Variants in ABLIM2 observed in about 807,000 individuals in gnomAD.
The protein encoded by ABLIM2 is actin-binding LIM protein 2.
Under a neutral mutation model 97.7 loss-of-function variants are expected in ABLIM2, and 53 were observed. The ratio of observed to expected loss-of-function variants is 0.54; its 90% confidence interval spans 0.44 to 0.68. The LOEUF (loss-of-function observed/expected upper bound fraction) is 0.68, where lower values mean the gene tolerates loss of function less well. Among genes scored for constraint, ABLIM2 ranks in the 30% least tolerant of loss-of-function variants. The pLI, the probability that ABLIM2 is intolerant of heterozygous loss-of-function variation, is 0.00. For missense variants in ABLIM2, 835 were observed against 867.2 expected, an observed-to-expected ratio of 0.96 and a Z score of 0.47; for synonymous variants, 361 against 345.8, an observed-to-expected ratio of 1.04 and a Z score of -0.49.
At chr4:8,145,745 TACACACACACACACAC>T (rs34195989) in intron 1 of ABLIM2, among the ~76,000 whole-genome samples, 27 of 138,678 alleles carry the variant, frequency 1.9e-4, no homozygotes, top group Non-Finnish European at 2.7e-4. Flanking sequence ...TACACACTCA[TACACACACACACACAC>T]ACACACACAC....
chr4:8,144,998 A>C (rs974014257), intron 1 of ABLIM2, among the ~76,000 whole-genome samples: 3 of 152,110 alleles, frequency 2.0e-5, no homozygotes, highest in Admixed American at 6.5e-5. Flanking sequence ...GCCAGTGGGA[A>C]GCCCACCTCC....
chr4:8,154,681 A>G (rs1218933182), intron 1 of ABLIM2, among the ~76,000 whole-genome samples: 1 of 152,092 alleles, frequency 6.6e-6, no homozygotes, highest in Non-Finnish European at 1.5e-5. Flanking sequence ...CATCTTCCCC[A>G]CCGCCCAATT....
In ABLIM2 at chr4:8,033,580, C is replaced by T. The variant is rs1015319385; in HGVS notation, c.1047+2569G>A. 4.6e-5 allele frequency among the ~76,000 whole-genome samples: 7 copies of T among 152,128 alleles called. No individual in the cohort carries two copies. Among genetic ancestry groups the T allele is most frequent in the East Asian group, 3.9e-4 (2 of 5,174 alleles). ...TGGGGTCGCACTTTATGGCTGAGAG[C>T]GGAAGCTCACACACAGGTGCCACTG... is the stretch of plus-strand genomic sequence containing the variant. On this transcript the variant is annotated intron_variant, in intron 10 of 20. Coordinates refer to ENST00000447017, the MANE Select transcript of ABLIM2 (RefSeq NM_001130083.2). This position sits in a 1 kb window ranked among gnomAD's most constrained non-coding sequence, Gnocchi z 4.5.
At chr4:8,045,262 A>G (rs899591521) in intron 8 of ABLIM2, 21 bp from the exon 9 acceptor site, 15 of 1,605,908 alleles carry the variant, frequency 9.3e-6, no homozygotes, top group Non-Finnish European at 1.3e-5. Context: ...AGAGAGGAAG[A>G]GATTGAAGGC....
At chr4:7,972,724 C>A (rs1429048983) in intron 20 of ABLIM2, among the ~76,000 whole-genome samples, 1 of 152,184 alleles carries the variant, frequency 6.6e-6, no homozygotes, top group Non-Finnish European at 1.5e-5. Flanking sequence ...CTGCCACTCT[C>A]CTGACTCCCG....
At chr4:8,047,295 G>A (rs1793129437) in intron 8 of ABLIM2, among the ~76,000 whole-genome samples, 1 of 152,112 alleles carries the variant, frequency 6.6e-6, no homozygotes, top group Non-Finnish European at 1.5e-5. Flanking sequence ...ACCGGCCCAG[G>A]TCCTCTCCAT....
In ABLIM2 at chr4:8,058,894, C is replaced by T. The variant is rs1159775657; in HGVS notation, c.763+2073G>A. Among the ~76,000 whole-genome samples the T allele has an allele frequency of 6.6e-6, 1 of 152,136 alleles. No individual in the cohort carries two copies. The highest frequency in any genetic ancestry group is 1.5e-5 in the Non-Finnish European group (1 of 68,032). ...CATCTTTGACGACTCAGTCCTTAGC[C>T]TGTCTTCGGCAACCATCTTGTGGGG... On this transcript the variant is annotated intron_variant, in intron 7 of 20. Coordinates refer to ENST00000447017, the MANE Select transcript of ABLIM2 (RefSeq NM_001130083.2). The surrounding 1 kb of genome is among the most constrained non-coding windows in gnomAD (Gnocchi z 4.2).
At chr4:8,031,917 GT>G (rs1369066461) in intron 10 of ABLIM2, among the ~76,000 whole-genome samples, 4 of 151,992 alleles carry the variant, frequency 2.6e-5, no homozygotes, top group Non-Finnish European at 5.9e-5. Flanking sequence ...TGGAGACGGG[GT>G]TTCACTATGT....
intron 1 of ABLIM2, among the ~76,000 whole-genome samples, chr4:8,154,179 G>A (rs544822733): frequency 7.3e-5 from 11 of 151,220 alleles, no homozygotes; most frequent in East Asian, 1.9e-4. Flanking sequence ...AGCCAGGATG[G>A]TCTCCATCTC....
In ABLIM2 at chr4:8,008,210, A is replaced by G; in HGVS notation, c.1477-10T>C. ...GCCAGCTGCTCTTCTGCTGAAGGTA[A>G]AAAACAAAGTCATGCAAATGTCAAG... On this transcript the variant is annotated splice_polypyrimidine_tract_variant and intron_variant, in intron 15 of 20. Transcript: ENST00000447017. 6.2e-7 allele frequency: 1 copy of G among 1,611,646 alleles called. No homozygotes were observed. Among genetic ancestry groups the G allele is most frequent in the Non-Finnish European group, 8.5e-7 (1 of 1,178,040 alleles).
In ABLIM2 at chr4:8,155,735, T is replaced by G. The variant is rs1715089306; in HGVS notation, c.10+2945A>C. Among the ~76,000 whole-genome samples the G allele has an allele frequency of 7.0e-6, 1 of 143,532 alleles. No homozygotes were observed. Among genetic ancestry groups the G allele is most frequent in the Non-Finnish European group, 1.5e-5 (1 of 64,820 alleles). The allele number at this position is 143,532 out of a possible 152,430, so 94.2% of individuals were successfully genotyped here. ...GGCTGGGGTTTTCATAAGAACAGAT[T>G]AGGACACAGACACACACAAAGGGAA... On this transcript the variant is annotated intron_variant, in intron 1 of 20. Transcript: ENST00000447017. This position sits in a 1 kb window ranked among gnomAD's most constrained non-coding sequence, Gnocchi z 4.2.
At chr4:8,028,961 T>A (rs1170076321) in intron 11 of ABLIM2, among the ~76,000 whole-genome samples, 1 of 152,210 alleles carries the variant, frequency 6.6e-6, no homozygotes, top group Non-Finnish European at 1.5e-5. Flanking sequence ...AGGAAGCAGC[T>A]TGGAAAAATC....
At chr4:8,049,091 C>T (rs1006683183) in intron 8 of ABLIM2, among the ~76,000 whole-genome samples, 3 of 152,310 alleles carry the variant, frequency 2.0e-5, no homozygotes, top group African/African-American at 4.8e-5. Flanking sequence ...GGGCCCCTCT[C>T]GGTCACGGCG....
chr4:7,971,808 A>G (rs1728288530), intron 20 of ABLIM2, among the ~76,000 whole-genome samples: 2 of 152,004 alleles, frequency 1.3e-5, no homozygotes, highest in African/African-American at 4.8e-5. Context: ...AGGGACTCTG[A>G]CACCTCCTTC....
At chr4:8,135,542 A>G (rs970281447) in intron 1 of ABLIM2, among the ~76,000 whole-genome samples, 4 of 152,242 alleles carry the variant, frequency 2.6e-5, no homozygotes, top group East Asian at 3.8e-4. Flanking sequence ...GTGTGAGGAC[A>G]CAGTGAGAAG....
At chr4:8,134,664 A>C (rs544501927) in intron 1 of ABLIM2, among the ~76,000 whole-genome samples, 1 of 151,842 alleles carries the variant, frequency 6.6e-6, no homozygotes, top group East Asian at 1.9e-4. Flanking sequence ...CAGGCTCCAC[A>C]GTGCCAGGAA....
In ABLIM2 at chr4:8,140,430, G is replaced by A. The variant is rs957001709; in HGVS notation, c.10+18250C>T. 5.9e-5 allele frequency among the ~76,000 whole-genome samples: 9 copies of A among 152,110 alleles called. 1 individual carries two copies. Among genetic ancestry groups the A allele is most frequent in the Admixed American group, 5.9e-4 (9 of 15,272 alleles). On this transcript the variant is annotated intron_variant, in intron 1 of 20. Transcript: ENST00000447017. This position sits in a 1 kb window ranked among gnomAD's most constrained non-coding sequence, Gnocchi z 5.9. ...TGCCAGGCAGGAACTTCGTGAAACA[G>A]TGCCAGAGGAGGACCGCATCGTGCA...
At chr4:8,012,086 C>T (rs773898848) in intron 14 of ABLIM2, among the ~76,000 whole-genome samples, 5 of 151,058 alleles carry the variant, frequency 3.3e-5, no homozygotes, top group African/African-American at 1.2e-4. Flanking sequence ...CCAGCCACCA[C>T]CCATCATCCA....
chr4:8,121,638 G>A (rs1845515401), intron 1 of ABLIM2, among the ~76,000 whole-genome samples: 6 of 152,224 alleles, frequency 3.9e-5, no homozygotes, highest in Admixed American at 3.9e-4. Context: ...CCCAGGGCTT[G>A]TCCCCCAGGG....
Sources: allele counts gnomAD v4.1 joint callset (sites outside exome capture counted in the v4.1 genomes callset), GRCh38; gene constraint gnomAD v4.1.1; non-coding constraint Gnocchi (gnomAD v3.1); transcripts MANE v1.5; gene names NCBI Gene and HGNC (gene_info 2026-07-23, HGNC 2026-07-21).